The following PEBP4 variants were observed in gnomAD, a reference collection of about 807,000 sequenced individuals.
PEBP4 encodes phosphatidylethanolamine binding protein 4.
PEBP4 carries 22 observed loss-of-function variants against 23.9 expected under a neutral mutation model. The ratio of observed to expected loss-of-function variants is 0.92; its 90% confidence interval spans 0.66 to 1.31. The LOEUF is 1.31. Ranked by LOEUF, PEBP4 falls within the 40% of genes most tolerant of loss-of-function variation. The pLI, the probability that PEBP4 is intolerant of heterozygous loss-of-function variation, is 0.00. For synonymous variants in PEBP4, 112 were observed against 99.3 expected (o/e 1.13, Z -0.76); for missense variants, 324 against 281.7 (o/e 1.15, Z -1.07).
At chr8:22,830,300 T>TGTGTG (rs1563230433) in intron 3 of PEBP4, among the ~76,000 whole-genome samples, 2 of 148,590 alleles carry the variant, frequency 1.3e-5, no homozygotes, top group African/African-American at 5.0e-5. Flanking sequence ...TGGCTAATTT[T>TGTGTG]TGTGTGTGTG....
chr8:22,934,015 G>A (rs1809500458), intron 1 of PEBP4, among the ~76,000 whole-genome samples: 1 of 152,134 alleles, frequency 6.6e-6, no homozygotes, highest in Non-Finnish European at 1.5e-5. Flanking sequence ...TAGAAAGCAG[G>A]AATGAGAAAT....
intron 3 of PEBP4, among the ~76,000 whole-genome samples, chr8:22,872,416 G>C (rs928198862): frequency 1.7e-4 from 26 of 152,314 alleles, no homozygotes; most frequent in African/African-American, 5.8e-4. Context: ...TTTGCAGTTT[G>C]CACGAAGGTG....
chr8:22,832,774 G>A (rs1443119926), intron 3 of PEBP4, among the ~76,000 whole-genome samples: 1 of 152,166 alleles, frequency 6.6e-6, no homozygotes, highest in Non-Finnish European at 1.5e-5. Context: ...TGTGACACTT[G>A]GAGCCTTGCT....
Position 22,713,390 on chromosome 8 carries a change from C to T in PEBP4, c.664G>A (p.Ala222Thr), listed in dbSNP as rs1226898358. ...RASEPKHKNQAEIAAC is the reference protein window; with the variant it reads ...RASEPKHKNQTEIAAC Reference sequence around the variant, plus strand: ...GCTATCTAGCAGGCAGCTATCTCCGCCTGGTTTTTGTGCTTGGGCTCGCTG... The same window carrying T: ...GCTATCTAGCAGGCAGCTATCTCCGTCTGGTTTTTGTGCTTGGGCTCGCTG... Residue 222 changes from alanine (A) to threonine (T), a missense_variant, in exon 7 of 7, where the codon GCG (alanine) becomes ACG (threonine). Ala to Thr is a moderately conservative substitution (Grantham distance 58, BLOSUM62 0). Transcript: ENST00000256404. 1 of 1,587,486 alleles carries T rather than the reference C, an allele frequency of 6.3e-7. No homozygotes were observed. Among genetic ancestry groups the T allele is most frequent in the Non-Finnish European group, 8.6e-7 (1 of 1,168,138 alleles).
chr8:22,783,037 G>A (rs977216082), intron 4 of PEBP4, among the ~76,000 whole-genome samples: 1 of 152,192 alleles, frequency 6.6e-6, no homozygotes, highest in African/African-American at 2.4e-5. Context: ...GAGGGTACTG[G>A]CCAGGCACCT....
At chr8:22,937,223 C>A (rs1280445003) in intron 1 of PEBP4, among the ~76,000 whole-genome samples, 3 of 152,084 alleles carry the variant, frequency 2.0e-5, no homozygotes, top group African/African-American at 7.2e-5. Context: ...ACTGTTAGAG[C>A]TAATAAGCAA....
intron 4 of PEBP4, among the ~76,000 whole-genome samples, chr8:22,753,772 T>C (rs1805317019): frequency 6.6e-6 from 1 of 152,106 alleles, no homozygotes; most frequent in Non-Finnish European, 1.5e-5. Flanking sequence ...TTGGGATGAA[T>C]CTCAGGACCA....
upstream of PEBP4, among the ~76,000 whole-genome samples, chr8:22,930,495 A>G (rs959075511): frequency 6.6e-5 from 10 of 152,272 alleles, no homozygotes; most frequent in Middle Eastern, 3.4e-3. Context: ...TGAGCATCTT[A>G]CATGGAGTAT....
At chr8:22,781,820 A>C (rs13279077) in intron 4 of PEBP4, among the ~76,000 whole-genome samples, 26,959 of 152,188 alleles carry the variant, frequency 0.18, 2,538 homozygotes, top group East Asian at 0.24. Flanking sequence ...CGGACATGGC[A>C]GCCTGTCCCC....
intron 3 of PEBP4, among the ~76,000 whole-genome samples, chr8:22,855,761 C>T (rs1260188206): frequency 6.6e-6 from 1 of 152,040 alleles, no homozygotes; most frequent in African/African-American, 2.4e-5. Flanking sequence ...TAAAAAGCAG[C>T]CAGGCATGAT....
intron 3 of PEBP4, among the ~76,000 whole-genome samples, chr8:22,832,778 C>T (rs768452280): frequency 6.6e-6 from 1 of 152,182 alleles, no homozygotes; most frequent in Non-Finnish European, 1.5e-5. Flanking sequence ...ACACTTGGAG[C>T]CTTGCTGACC....
chr8:22,797,251 CTCA>C (rs1268036231), intron 4 of PEBP4, among the ~76,000 whole-genome samples: 1 of 76,384 alleles, frequency 1.3e-5, no homozygotes, highest in East Asian at 4.0e-4. Context: ...GAAACTCTGT[CTCA>C]AAAAAAAAAA....
intron 5 of PEBP4, among the ~76,000 whole-genome samples, chr8:22,726,280 T>A (rs766582131): frequency 2.6e-5 from 4 of 152,138 alleles, no homozygotes; most frequent in Non-Finnish European, 4.4e-5. Flanking sequence ...TGCTTAGGTA[T>A]GGAGGGCAGA....
At chr8:22,832,392 C>A (rs1170636688) in intron 3 of PEBP4, among the ~76,000 whole-genome samples, 1 of 152,182 alleles carries the variant, frequency 6.6e-6, no homozygotes. Flanking sequence ...AGAAGGCTAA[C>A]TACAAAGCAG....
intron 2 of PEBP4, 134 bp from the exon 3 acceptor site, chr8:22,920,444 T>C: frequency 9.3e-7 from 1 of 1,076,386 alleles, no homozygotes; most frequent in Non-Finnish European, 1.3e-6. Flanking sequence ...TAACTAGTTG[T>C]GTGACCGAAG....
intron 3 of PEBP4, among the ~76,000 whole-genome samples, chr8:22,903,882 A>T (rs932143050): frequency 6.6e-6 from 1 of 152,206 alleles, no homozygotes; most frequent in Admixed American, 6.5e-5. Context: ...TTGCTCTCCC[A>T]TGGCAAAGAG....
intron 3 of PEBP4, among the ~76,000 whole-genome samples, chr8:22,821,165 T>G (rs935581587): frequency 1.5e-4 from 23 of 152,128 alleles, no homozygotes; most frequent in Non-Finnish European, 2.8e-4. Flanking sequence ...CCAGCTTGGA[T>G]GACAGAGTGA....
intron 3 of PEBP4, among the ~76,000 whole-genome samples, chr8:22,836,927 C>T (rs1246545716): frequency 6.6e-6 from 1 of 151,962 alleles, no homozygotes; most frequent in Non-Finnish European, 1.5e-5. Flanking sequence ...GGGTGTGGAT[C>T]GTTTCTTTAG....
intron 3 of PEBP4, among the ~76,000 whole-genome samples, chr8:22,908,125 T>C (rs756800031): frequency 6.6e-6 from 1 of 151,366 alleles, no homozygotes; most frequent in Non-Finnish European, 1.5e-5. Flanking sequence ...CAGGCTGGGG[T>C]TGGGAGTGGT....
Sources: gnomAD v4.1 joint callset for allele counts (sites outside exome capture counted in the v4.1 genomes callset) on GRCh38, gnomAD v4.1.1 for gene constraint, MANE v1.5 for transcripts, NCBI Gene and HGNC (gene_info 2026-07-23, HGNC 2026-07-21) for gene names.